Variants in RIT2 observed in about 807,000 individuals in gnomAD.
RIT2 encodes the protein GTP-binding protein Rit2.
Under a neutral mutation model 23.7 loss-of-function variants are expected in RIT2, and 24 were observed. That is an observed-to-expected ratio of 1.01 (90% CI 0.73 to 1.43). The LOEUF (loss-of-function observed/expected upper bound fraction) is 1.43. Ranked by LOEUF, RIT2 falls within the 40% of genes most tolerant of loss-of-function variation. The pLI, the probability that RIT2 is intolerant of heterozygous loss-of-function variation, is 0.00. For missense variants in RIT2, 236 were observed against 266.9 expected (o/e 0.88, Z 0.81); for synonymous variants, 107 against 91.1 (o/e 1.17, Z -0.99).
chr18:42,942,097 T>C (rs1243955142), intron 3 of RIT2, among the ~76,000 whole-genome samples: 1 of 151,770 alleles, frequency 6.6e-6, no homozygotes, highest in Non-Finnish European at 1.5e-5. Flanking sequence ...ATCTTAATTG[T>C]TCAAGTAAAA....
At chr18:42,789,153 A>T (rs1913985258) in intron 4 of RIT2, among the ~76,000 whole-genome samples, 1 of 152,194 alleles carries the variant, frequency 6.6e-6, no homozygotes, top group Non-Finnish European at 1.5e-5. Flanking sequence ...ATGTTTGTTC[A>T]TTCTAACGCA....
At chr18:42,960,053 T>C (rs1910060497) in intron 3 of RIT2, among the ~76,000 whole-genome samples, 1 of 152,216 alleles carries the variant, frequency 6.6e-6, no homozygotes. Flanking sequence ...ATTTCAACTC[T>C]ATAGATTAAT....
chr18:43,090,928 C>T (rs907690810), intron 1 of RIT2, among the ~76,000 whole-genome samples: 14 of 151,776 alleles, frequency 9.2e-5, no homozygotes, highest in Admixed American at 7.9e-4. Flanking sequence ...GGGTACTAGA[C>T]GTAATATCTG....
intron 4 of RIT2, among the ~76,000 whole-genome samples, chr18:42,832,413 C>G (rs1046217054): frequency 6.6e-6 from 1 of 152,100 alleles, no homozygotes; most frequent in Admixed American, 6.6e-5. Flanking sequence ...AATGATGAAA[C>G]CAGGAATTTT....
At chr18:43,048,507 T>G (rs1912302753) in intron 1 of RIT2, among the ~76,000 whole-genome samples, 1 of 152,166 alleles carries the variant, frequency 6.6e-6, no homozygotes, top group Non-Finnish European at 1.5e-5. Context: ...TTAGTTCTCT[T>G]TCATAGTTGC....
chr18:42,800,130 T>A (rs1567999393), intron 4 of RIT2, among the ~76,000 whole-genome samples: 3 of 152,196 alleles, frequency 2.0e-5, no homozygotes, highest in Non-Finnish European at 4.4e-5. Flanking sequence ...ATTTATTTTT[T>A]AAAAAATCAT....
intron 4 of RIT2, among the ~76,000 whole-genome samples, chr18:42,824,967 A>G (rs1256894102): frequency 1.3e-5 from 2 of 152,062 alleles, no homozygotes; most frequent in Admixed American, 6.6e-5. Flanking sequence ...GCTAAAAAAT[A>G]TTAGATTGGA....
rs145110909 is a variant in RIT2 at position 42,849,340 on chromosome 18, A to G, written c.426+74232T>C. Among the ~76,000 whole-genome samples, 315 of 152,292 alleles carry G rather than the reference A, an allele frequency of 2.1e-3. 1 individual carries two copies. Among genetic ancestry groups the G allele is most frequent in the Non-Finnish European group, 3.3e-3 (224 of 68,026 alleles). On this transcript the variant is annotated intron_variant, in intron 4 of 4. Transcript: ENST00000326695. ...CGCCAATAGGAATACTTTTTGATTT[A>G]GTGTCTGTGTTTGCAAGTGCATCTA...
intron 4 of RIT2, among the ~76,000 whole-genome samples, chr18:42,769,125 A>C (rs572784072): frequency 6.6e-6 from 1 of 152,284 alleles, no homozygotes; most frequent in South Asian, 2.1e-4. Flanking sequence ...TAAGATTGTG[A>C]AGTGTTTCTA....
At chr18:43,048,398 T>C (rs2144305496) in intron 1 of RIT2, among the ~76,000 whole-genome samples, 1 of 152,272 alleles carries the variant, frequency 6.6e-6, no homozygotes, top group East Asian at 1.9e-4. Context: ...TACACAAAAC[T>C]GTCAGTCTGG....
chr18:42,829,652 A>C (rs2144006189), intron 4 of RIT2, among the ~76,000 whole-genome samples: 1 of 152,308 alleles, frequency 6.6e-6, no homozygotes, highest in Admixed American at 6.5e-5. Flanking sequence ...TGTTTCTTAA[A>C]AGTCAGCATA....
intron 1 of RIT2, among the ~76,000 whole-genome samples, chr18:43,067,421 G>T (rs563446519): frequency 1.3e-5 from 2 of 152,210 alleles, no homozygotes; most frequent in South Asian, 2.1e-4. Flanking sequence ...CTGAGAACAT[G>T]TTCTTATGGT....
At chr18:42,947,363 G>A (rs1909751797) in intron 3 of RIT2, among the ~76,000 whole-genome samples, 1 of 152,102 alleles carries the variant, frequency 6.6e-6, no homozygotes, top group African/African-American at 2.4e-5. Context: ...TAAATTGTTT[G>A]TGGATGTTGT....
intron 2 of RIT2, among the ~76,000 whole-genome samples, chr18:43,011,266 G>T (rs1253819197): frequency 6.6e-6 from 1 of 151,714 alleles, no homozygotes; most frequent in Non-Finnish European, 1.5e-5. Flanking sequence ...AATCAGGAGA[G>T]TGGAACAGAA....
chr18:42,864,159 C>G (rs549065896), intron 4 of RIT2, among the ~76,000 whole-genome samples: 19 of 152,248 alleles, frequency 1.2e-4, no homozygotes, highest in African/African-American at 4.6e-4. Flanking sequence ...TCACATCTAC[C>G]TGTTGGTTGC....
chr18:42,796,138 C>T (rs1196246380), intron 4 of RIT2, among the ~76,000 whole-genome samples: 1 of 152,172 alleles, frequency 6.6e-6, no homozygotes, highest in Non-Finnish European at 1.5e-5. Context: ...CTACTGCTCA[C>T]TCTTTGGGTC....
intron 4 of RIT2, among the ~76,000 whole-genome samples, chr18:42,830,032 A>C (rs1461348396): frequency 1.3e-5 from 2 of 152,182 alleles, no homozygotes; most frequent in African/African-American, 4.8e-5. Flanking sequence ...AAAATAGAGG[A>C]ATAAAAAAAT....
chr18:42,956,001 A>G (rs1909962110), intron 3 of RIT2, among the ~76,000 whole-genome samples: 2 of 152,124 alleles, frequency 1.3e-5, no homozygotes, highest in Non-Finnish European at 2.9e-5. Flanking sequence ...TAATGTTTTC[A>G]AGGTTTATCA....
intron 4 of RIT2, among the ~76,000 whole-genome samples, chr18:42,848,689 A>G (rs549947142): frequency 1.2e-4 from 19 of 152,208 alleles, no homozygotes; most frequent in Non-Finnish European, 2.5e-4. Context: ...CTGCTTGACT[A>G]CAGAGTTCTC....
Sources: gnomAD v4.1 joint callset for allele counts (sites outside exome capture counted in the v4.1 genomes callset) on GRCh38, gnomAD v4.1.1 for gene constraint, MANE v1.5 for transcripts, NCBI Gene and HGNC (gene_info 2026-07-23, HGNC 2026-07-21) for gene names.